The following ALPK1 variants were observed in gnomAD, a reference collection of about 807,000 sequenced individuals.
ALPK1 encodes alpha-protein kinase 1.
ALPK1 carries 110 observed loss-of-function variants against 120.6 expected under a neutral mutation model. The ratio of observed to expected loss-of-function variants is 0.91; its 90% confidence interval spans 0.78 to 1.07. The LOEUF is 1.07. Among genes scored for constraint, ALPK1 ranks in the 50% least tolerant of loss-of-function variants. The probability of loss-of-function intolerance (pLI) is 0.00; values close to 1 mark genes in which losing one functional copy is unlikely to be tolerated. For missense variants in ALPK1, 1,498 were observed against 1,483.9 expected (o/e 1.01, Z -0.16); for synonymous variants, 582 against 560.3 (o/e 1.04, Z -0.55).
In ALPK1 at chr4:112,435,914, C is replaced by A. The variant is rs541666465; in HGVS notation, c.3188+613C>A. Among the ~76,000 whole-genome samples, 19 of 152,338 alleles carry A rather than the reference C, an allele frequency of 1.2e-4. No individual in the cohort carries two copies. In the South Asian group the frequency reaches 3.9e-3, roughly 32 times the overall value. ...AAAGGGTATCTTTGAAAACCCCACC[C>A]CAGTGAAGTAAATGCCTGGAAAGTT... On this transcript the variant is annotated intron_variant, in intron 12 of 15. Transcript: ENST00000650871.
At chr4:112,359,353 A>T in intron 2 of ALPK1, 1 of 385,712 alleles carries the variant, frequency 2.6e-6, no homozygotes, top group Non-Finnish European at 5.0e-6. Flanking sequence ...TACAAGCAGG[A>T]TGATGACCTG....
intron 2 of ALPK1, among the ~76,000 whole-genome samples, chr4:112,349,977 A>G (rs1288292699): frequency 1.3e-5 from 2 of 152,226 alleles, no homozygotes; most frequent in Non-Finnish European, 1.5e-5. Flanking sequence ...GCCCAGACCT[A>G]TGAGAAAACT....
chr4:112,375,107 T>C (rs1467236304), intron 2 of ALPK1, among the ~76,000 whole-genome samples: 1 of 152,138 alleles, frequency 6.6e-6, no homozygotes, highest in African/African-American at 2.4e-5. Flanking sequence ...GGTATCTTCT[T>C]CCACTACAAG....
intron 2 of ALPK1, among the ~76,000 whole-genome samples, chr4:112,321,071 G>A (rs907708654): frequency 2.6e-5 from 4 of 151,400 alleles, no homozygotes; most frequent in Non-Finnish European, 5.9e-5. Context: ...TAATTTTTTT[G>A]TATTTTCAGT....
chr4:112,310,907 G>T (rs1294570509), intron 1 of ALPK1, among the ~76,000 whole-genome samples: 3 of 151,914 alleles, frequency 2.0e-5, no homozygotes, highest in African/African-American at 7.3e-5. Context: ...GCTGAACTTT[G>T]GGAGAGCGGA....
chr4:112,359,424 C>A, intron 2 of ALPK1: 1 of 309,058 alleles, frequency 3.2e-6, no homozygotes, highest in Non-Finnish European at 6.3e-6. Flanking sequence ...CATCCCCCTG[C>A]TGCAGAGGTT....
At chr4:112,338,764 G>A (rs545637630) in intron 2 of ALPK1, among the ~76,000 whole-genome samples, 1 of 152,164 alleles carries the variant, frequency 6.6e-6, no homozygotes, top group African/African-American at 2.4e-5. Flanking sequence ...TATAGATATT[G>A]CCAGCATTAA....
rs573586655 is a variant in ALPK1, at chr4:112,307,448, A to C, written c.-152-8353A>C. On this transcript the variant is annotated intron_variant, in intron 1 of 15. Coordinates refer to ENST00000650871, the MANE Select transcript of ALPK1 (RefSeq NM_025144.4). ...ATCTGGGTGCTCCTGTATTGAGTGCATATATATTTAGGATAGTTAGCTCTT... is the reference window on the plus strand; with the variant it reads ...ATCTGGGTGCTCCTGTATTGAGTGCCTATATATTTAGGATAGTTAGCTCTT... Among the ~76,000 whole-genome samples, 70 of 152,182 alleles carry C rather than the reference A, an allele frequency of 4.6e-4. 1 individual carries two copies. The highest frequency in any genetic ancestry group is 1.4e-3 in the African/African-American group (60 of 41,444).
intron 1 of ALPK1, among the ~76,000 whole-genome samples, 181 bp downstream of exon 1, chr4:112,297,650 G>T (rs1462715464): frequency 6.6e-6 from 1 of 151,450 alleles, no homozygotes; most frequent in African/African-American, 2.4e-5. Flanking sequence ...GGATGAGTTG[G>T]TGGGGTGAAG....
chr4:112,299,295 A>G (rs925052518), intron 1 of ALPK1, among the ~76,000 whole-genome samples: 6 of 152,156 alleles, frequency 3.9e-5, no homozygotes, highest in Admixed American at 2.0e-4. Context: ...CTTAAATATC[A>G]GATACATACA....
At chr4:112,400,996 T>A (rs1732885350) in intron 4 of ALPK1, among the ~76,000 whole-genome samples, 1 of 151,636 alleles carries the variant, frequency 6.6e-6, no homozygotes, top group South Asian at 2.1e-4. Flanking sequence ...TCAGCCAGAG[T>A]GCTCAACTCT....
chr4:112,317,654 C>A (rs1274541663), intron 2 of ALPK1, among the ~76,000 whole-genome samples: 2 of 151,994 alleles, frequency 1.3e-5, no homozygotes, highest in East Asian at 3.9e-4. Flanking sequence ...AAGTGTGAGT[C>A]CTCCAATTTT....
intron 2 of ALPK1, among the ~76,000 whole-genome samples, chr4:112,339,359 A>G (rs1455442058): frequency 6.6e-6 from 1 of 152,248 alleles, no homozygotes; most frequent in Non-Finnish European, 1.5e-5. Context: ...ACAATTTACT[A>G]TGTGGGGCTT....
intron 1 of ALPK1, among the ~76,000 whole-genome samples, chr4:112,299,715 CA>C (rs1238971667): frequency 2.6e-5 from 4 of 152,072 alleles, no homozygotes; most frequent in Non-Finnish European, 4.4e-5. Flanking sequence ...TATAGATGTA[CA>C]AAGTATTTGA....
intron 2 of ALPK1, among the ~76,000 whole-genome samples, chr4:112,375,512 G>A (rs1731613937): frequency 1.3e-5 from 2 of 152,084 alleles, no homozygotes; most frequent in Admixed American, 1.3e-4. Flanking sequence ...TAAAACTCTT[G>A]AACTAACCTC....
rs756695204 is a variant in ALPK1, at chr4:112,441,101, AC to A, written c.3725del (p.Pro1242HisfsTer68). The A allele has an allele frequency of 3.7e-5, 60 of 1,613,916 alleles. No individual in the cohort carries two copies. The highest frequency in any genetic ancestry group is 4.7e-5 in the Non-Finnish European group (56 of 1,179,860). On this transcript the variant is annotated frameshift_variant, in exon 15 of 16. Transcript: ENST00000650871. LOFTEE classifies it high-confidence loss of function. ...CTTTGACTAGACCTTCAATGGAGAA[AC>A]CATGTAAGTCATAGGCTGTATGGAT... ...LSLTRPSMEK[P>X]CT
chr4:112,300,584 G>C (rs1333765249), intron 1 of ALPK1, among the ~76,000 whole-genome samples: 1 of 151,952 alleles, frequency 6.6e-6, no homozygotes, highest in African/African-American at 2.4e-5. Context: ...CGGAGTCAGT[G>C]AACAGAGAAG....
intron 5 of ALPK1, chr4:112,423,585 C>T (rs375511033): frequency 1.0e-5 from 4 of 381,942 alleles, no homozygotes; most frequent in Admixed American, 3.6e-5. Flanking sequence ...TTCCTGTCCA[C>T]GGGCAACTCT....
chr4:112,357,946 G>T (rs1560651761), intron 2 of ALPK1: 1 of 801,532 alleles, frequency 1.2e-6, no homozygotes. Flanking sequence ...AGCAAGGATT[G>T]CCTCCCCCGG....
Sources: allele counts gnomAD v4.1 joint callset (sites outside exome capture counted in the v4.1 genomes callset), GRCh38; gene constraint gnomAD v4.1.1; transcripts MANE v1.5; gene names NCBI Gene and HGNC (gene_info 2026-07-23, HGNC 2026-07-21).